GSE1: variants seen among roughly 807,000 people sequenced by gnomAD.
The protein encoded by GSE1 is genetic suppressor element 1.
Under a neutral mutation model 112.6 loss-of-function variants are expected in GSE1, and 32 were observed. The ratio of observed to expected loss-of-function variants is 0.28; its 90% CI spans 0.21 to 0.38. GSE1 has a LOEUF of 0.38. Among genes scored for constraint, GSE1 ranks in the 10% least tolerant of loss-of-function variants. The probability of loss-of-function intolerance (pLI) is 1.00; values close to 1 mark genes in which losing one functional copy is unlikely to be tolerated. For synonymous variants in GSE1, 1,115 were observed against 735.6 expected, an observed-to-expected ratio of 1.52 and a Z score of -8.35; for missense variants, 2,348 against 1,699.2, an observed-to-expected ratio of 1.38 and a Z score of -6.71.
intron 1 of GSE1, chr16:85,279,085 C>T (rs1000601204): frequency 6.6e-6 from 1 of 152,270 alleles, no homozygotes; most frequent in Non-Finnish European, 1.5e-5. Flanking sequence ...CACCAGTGTC[C>T]TTCCCAGCTG....
intron 2 of GSE1, among the ~76,000 whole-genome samples, chr16:85,539,019 C>A (rs982524647): frequency 8.5e-5 from 13 of 152,220 alleles, no homozygotes; most frequent in African/African-American, 3.1e-4. Flanking sequence ...TCTTCAAGGC[C>A]GGTGCCCCTG....
At chr16:85,472,307 C>T (rs1344057771) in intron 2 of GSE1, among the ~76,000 whole-genome samples, 1 of 152,176 alleles carries the variant, frequency 6.6e-6, no homozygotes, top group African/African-American at 2.4e-5. Flanking sequence ...GCTGTGCTCC[C>T]TCTGGAGGCC....
At chr16:85,567,169 G>A (rs913621038) in intron 1 of GSE1, among the ~76,000 whole-genome samples, 4 of 152,022 alleles carry the variant, frequency 2.6e-5, no homozygotes, top group African/African-American at 4.8e-5. Flanking sequence ...CCGGCCTGTC[G>A]GTGGGCAGGT....
intron 1 of GSE1, among the ~76,000 whole-genome samples, chr16:85,228,096 G>T (rs73257937): frequency 0.011 from 1,619 of 152,294 alleles, 9 homozygotes; most frequent in Non-Finnish European, 0.016. Context: ...GGTGATCCAG[G>T]AGGAGGGAAC....
chr16:85,572,386 C>G (rs2046035016), intron 1 of GSE1, among the ~76,000 whole-genome samples: 1 of 148,148 alleles, frequency 6.8e-6, no homozygotes, highest in East Asian at 2.0e-4. Context: ...ACCACATACC[C>G]CCACACACAA....
chr16:85,179,168 C>A (rs1360873914), intron 1 of GSE1, among the ~76,000 whole-genome samples: 1 of 152,162 alleles, frequency 6.6e-6, no homozygotes, highest in Non-Finnish European at 1.5e-5. Flanking sequence ...CCGTCGCCTC[C>A]TCCACCCACC....
intron 2 of GSE1, among the ~76,000 whole-genome samples, chr16:85,547,923 T>C (rs1288429454): frequency 6.6e-6 from 1 of 151,204 alleles, no homozygotes; most frequent in Non-Finnish European, 1.5e-5. Flanking sequence ...TATTTTTCTT[T>C]TCTTTATTCT....
intron 2 of GSE1, among the ~76,000 whole-genome samples, chr16:85,485,401 T>G (rs1215851977): frequency 6.6e-6 from 1 of 152,212 alleles, no homozygotes; most frequent in Non-Finnish European, 1.5e-5. Flanking sequence ...AGCCCTGTCC[T>G]CCTCCTCTTC....
At chr16:85,541,651 T>A (rs2044522634) in intron 2 of GSE1, among the ~76,000 whole-genome samples, 1 of 152,176 alleles carries the variant, frequency 6.6e-6, no homozygotes, top group African/African-American at 2.4e-5. Flanking sequence ...GTCCTGTTTC[T>A]GAGTTGTCAC....
chr16:85,277,281 GC>G (rs960112951), intron 1 of GSE1, among the ~76,000 whole-genome samples: 22 of 152,158 alleles, frequency 1.4e-4, no homozygotes, highest in African/African-American at 5.1e-4. Context: ...CTCCAGACGG[GC>G]CCAGGCTGGG....
chr16:85,444,014 C>T (rs1390902200), intron 2 of GSE1, among the ~76,000 whole-genome samples: 4 of 103,330 alleles, frequency 3.9e-5, no homozygotes, highest in African/African-American at 1.5e-4. Flanking sequence ...GAGACGGAGT[C>T]TTGATCTGTC....
At position 85,668,333 on chromosome 16, in the gene GSE1, T is replaced by G. The variant is rs144571053; in HGVS notation, c.3324T>G (p.Asp1108Glu). The G allele has an allele frequency of 4.6e-4, 742 of 1,612,194 alleles. 5 individuals carry two copies. The African/African-American group carries it at 8.2e-3, about 18-fold the overall frequency. Residue 1108 changes from aspartate to glutamate, a missense_variant, in exon 14 of 16, where the codon GAT (aspartate) becomes GAG (glutamate). Coordinates refer to ENST00000253458, the MANE Select transcript of GSE1 (RefSeq NM_014615.5). ...ACTCGGAGGAGGAGGAAGAGGAGGA[T>G]GATGAAGATGGAGAAGATGAGGAGG... ...DRDSEEEEEE[D>E]DEDGEDEEEV...
chr16:85,501,962 G>A (rs2051383279), intron 2 of GSE1, among the ~76,000 whole-genome samples: 1 of 152,244 alleles, frequency 6.6e-6, no homozygotes, highest in African/African-American at 2.4e-5. Flanking sequence ...TGGGGGGCAG[G>A]GTTGGAGGGG....
At chr16:85,488,815 C>CG (rs1567530285) in intron 2 of GSE1, among the ~76,000 whole-genome samples, 1 of 151,948 alleles carries the variant, frequency 6.6e-6, no homozygotes. Flanking sequence ...GTCTGGGGAC[C>CG]GGGGGGATCA....
At chr16:85,497,417 A>C (rs2051217315) in intron 2 of GSE1, among the ~76,000 whole-genome samples, 1 of 152,184 alleles carries the variant, frequency 6.6e-6, no homozygotes, top group Non-Finnish European at 1.5e-5. Context: ...GGGGCTGTAG[A>C]GCCCTCCAGG....
intron 1 of GSE1, among the ~76,000 whole-genome samples, chr16:85,284,790 T>C (rs147165234): frequency 1.0e-3 from 156 of 152,276 alleles, no homozygotes; most frequent in African/African-American, 3.7e-3. Context: ...CACCTTCAGC[T>C]GAGGAAGCTG....
chr16:85,421,139 T>G (rs545527986), intron 2 of GSE1, among the ~76,000 whole-genome samples: 1 of 152,152 alleles, frequency 6.6e-6, no homozygotes, highest in East Asian at 1.9e-4. Flanking sequence ...GCTGTGAAAG[T>G]GTGTGTTAAA....
chr16:85,585,674 C>T (rs527656816), intron 1 of GSE1, among the ~76,000 whole-genome samples: 3 of 152,350 alleles, frequency 2.0e-5, no homozygotes, highest in African/African-American at 7.2e-5. Flanking sequence ...TGGAACTCTT[C>T]CTGCATGGCC....
At chr16:85,559,240 A>G (rs977240601) in intron 1 of GSE1, among the ~76,000 whole-genome samples, 4 of 152,180 alleles carry the variant, frequency 2.6e-5, no homozygotes, top group African/African-American at 4.8e-5. Flanking sequence ...TCTCTGAGGT[A>G]GCTGCTGCCA....
Sources: gnomAD v4.1 joint callset for allele counts (sites outside exome capture counted in the v4.1 genomes callset) on GRCh38, gnomAD v4.1.1 for gene constraint, MANE v1.5 for transcripts, NCBI Gene and HGNC (gene_info 2026-07-23, HGNC 2026-07-21) for gene names.